Variants in CUEDC1 observed in about 807,000 individuals in gnomAD.
CUEDC1 encodes the protein CUE domain containing 1, also known as CUE domain-containing protein 1.
In CUEDC1, 30 loss-of-function variants were observed where a neutral mutation model predicts 43.7. That is an observed-to-expected ratio of 0.69 (90% CI 0.51 to 0.93). The LOEUF (loss-of-function observed/expected upper bound fraction) is 0.93, where lower values mean the gene tolerates loss of function less well. CUEDC1 is among the 40% of genes least tolerant of loss of function. CUEDC1 has a pLI of 0.00. For synonymous variants in CUEDC1, 223 were observed against 223.6 expected (o/e 1.00, Z 0.02); for missense variants, 486 against 549.0 (o/e 0.89, Z 1.15).
At chr17:57,879,504 T>TG (rs371853412) in intron 3 of CUEDC1, 107 bp downstream of exon 3, 33 of 1,269,648 alleles carry the variant, frequency 2.6e-5, no homozygotes, top group Non-Finnish European at 3.3e-5. Flanking sequence ...GCCTGTTCTT[T>TG]GAAATATACT....
intron 1 of CUEDC1, among the ~76,000 whole-genome samples, chr17:57,939,422 G>A (rs975522883): frequency 2.8e-5 from 4 of 145,172 alleles, no homozygotes; most frequent in Admixed American, 7.0e-5. Context: ...ACATCACCAC[G>A]CCCAGCTAAT....
rs1484419119 is a variant in CUEDC1 at position 57,872,736 on chromosome 17, C to T, written c.711G>A (p.Ala237=). Residue 237 remains alanine, a synonymous_variant, in exon 5 of 11, where the codon GCG becomes GCA. Transcript: ENST00000577830. ...TGAACTCCTCGTTCTGCAGGAAAAG[C>T]GCGATCCTCTCGTCCTCCAGGTACT... ...WKQYLEDERI[A]LFLQNEEFMK... 14 of 1,614,200 alleles carry T rather than the reference C, an allele frequency of 8.7e-6. No homozygotes were observed. The highest frequency in any genetic ancestry group is 1.7e-4 in the Middle Eastern group (1 of 6,060).
rs1254841347 is a variant in CUEDC1, at chr17:57,861,875, G to A, written c.*1414C>T. The stretch of plus-strand genomic sequence containing the variant: ...GGAGGGGGCGACCGCTCCTCGGCAG[G>A]GCCCCCCGAGCCAGCGTCCCGGCCC... On this transcript the variant is annotated 3_prime_UTR_variant, in exon 11 of 11. Transcript: ENST00000577830. 4 of 151,944 alleles carry A rather than the reference G, an allele frequency of 2.6e-5. No individual in the cohort carries two copies. In the East Asian group the frequency reaches 7.8e-4, roughly 30 times the overall value. The allele number at this position is 151,944 out of a possible 1,614,324, so 9.4% of individuals were successfully genotyped here. A position where few individuals can be genotyped will look rare whatever the true frequency, so the allele number is the denominator to read the frequency against.
intron 1 of CUEDC1, among the ~76,000 whole-genome samples, chr17:57,927,036 C>T (rs1245727912): frequency 1.3e-5 from 2 of 152,108 alleles, no homozygotes; most frequent in African/African-American, 2.4e-5. Flanking sequence ...GGAAACAGGC[C>T]GGCAATTGTT....
At chr17:57,868,679 C>G (rs73992331) in intron 7 of CUEDC1, among the ~76,000 whole-genome samples, 3,351 of 152,242 alleles carry the variant, frequency 0.022, 112 homozygotes, top group African/African-American at 0.075. Flanking sequence ...GGATCGCAGC[C>G]TCATTCACAC....
At chr17:57,887,995 G>C (rs1347479706) in intron 1 of CUEDC1, among the ~76,000 whole-genome samples, 1 of 147,704 alleles carries the variant, frequency 6.8e-6, no homozygotes, top group Non-Finnish European at 1.5e-5. Flanking sequence ...CCACCTTCCA[G>C]GTTCAAGCAA....
In CUEDC1 at chr17:57,947,084, T is replaced by C. The variant is rs571804088; in HGVS notation, c.-316+8141A>G. ...AATCATTTCAGGAGCCTGATCACCCTACATGACCACAGAGAGGCTTCCCCT... is the reference window on the plus strand; with the variant it reads ...AATCATTTCAGGAGCCTGATCACCCCACATGACCACAGAGAGGCTTCCCCT... On this transcript the variant is annotated intron_variant, in intron 1 of 10. Transcript: ENST00000577830. Among the ~76,000 whole-genome samples, 43 of 148,900 alleles carry C rather than the reference T, an allele frequency of 2.9e-4. No homozygotes were observed. In the South Asian group the frequency reaches 3.4e-3, roughly 12 times the overall value.
At chr17:57,881,579 C>T (rs2074204921) in intron 2 of CUEDC1, among the ~76,000 whole-genome samples, 1 of 152,208 alleles carries the variant, frequency 6.6e-6, no homozygotes, top group Non-Finnish European at 1.5e-5. Context: ...GGGCTGCAGC[C>T]TTGAGGCCAG....
At chr17:57,879,810 C>G in intron 2 of CUEDC1, 72 bp from the exon 3 acceptor site, 1 of 1,482,912 alleles carries the variant, frequency 6.7e-7, no homozygotes, top group Non-Finnish European at 9.2e-7. Flanking sequence ...CAGACAAAAT[C>G]AAGTGTGGGA....
intron 4 of CUEDC1, 105 bp from the exon 5 acceptor site, chr17:57,872,960 G>A: frequency 9.3e-7 from 1 of 1,077,870 alleles, no homozygotes. Context: ...ACATCCTCCA[G>A]CCCTCACCTG....
intron 10 of CUEDC1, among the ~76,000 whole-genome samples, chr17:57,865,424 G>A (rs2073943085): frequency 6.6e-6 from 1 of 152,132 alleles, no homozygotes; most frequent in South Asian, 2.1e-4. Flanking sequence ...ACTATCCTGA[G>A]GCAAGTGAGT....
intron 1 of CUEDC1, among the ~76,000 whole-genome samples, chr17:57,942,151 C>T (rs577229331): frequency 7.9e-5 from 12 of 152,192 alleles, no homozygotes; most frequent in African/African-American, 2.6e-4. Context: ...GATGTGCTCC[C>T]GGCCTCCCGG....
At chr17:57,916,603 G>A (rs966642613) in intron 1 of CUEDC1, among the ~76,000 whole-genome samples, 1 of 152,210 alleles carries the variant, frequency 6.6e-6, no homozygotes, top group Admixed American at 6.5e-5. Context: ...GCCCTGACAG[G>A]AAGACAGCGG....
rs2074280155 is a variant in CUEDC1, at chr17:57,885,618, C to A, written c.-54G>T. 7.5e-7 allele frequency: 1 copy of A among 1,339,470 alleles called. No homozygotes were observed. The highest frequency in any genetic ancestry group is 1.9e-5 in the South Asian group (1 of 52,580). 83.0% of individuals were successfully genotyped at this position (1,339,470 alleles called of 1,614,324 possible). A position where few individuals can be genotyped will look rare whatever the true frequency, so the allele number is the denominator to read the frequency against. ...CTAGCCGGCCGCAAAGCCCCTTCCC[C>A]AGGGTCTTTCCGCCGTCAGCCGCTT... On this transcript the variant is annotated 5_prime_UTR_variant, in exon 2 of 11. Transcript: ENST00000577830.
intron 2 of CUEDC1, among the ~76,000 whole-genome samples, chr17:57,883,628 C>T (rs1187453264): frequency 2.6e-5 from 4 of 152,090 alleles, no homozygotes; most frequent in African/African-American, 9.7e-5. Flanking sequence ...GAGGCTGAGG[C>T]AGGAGAATCG....
intron 1 of CUEDC1, among the ~76,000 whole-genome samples, chr17:57,908,660 T>C (rs1196631408): frequency 1.3e-5 from 2 of 152,190 alleles, no homozygotes; most frequent in Non-Finnish European, 2.9e-5. Flanking sequence ...TGTGTGTGCA[T>C]TTGTGTGTGT....
At chr17:57,937,965 C>T (rs1306416004) in intron 1 of CUEDC1, among the ~76,000 whole-genome samples, 1 of 151,898 alleles carries the variant, frequency 6.6e-6, no homozygotes, top group African/African-American at 2.4e-5. Flanking sequence ...GCATGAGAAG[C>T]CAAAAAATAA....
chr17:57,934,290 G>A (rs2143172147), intron 1 of CUEDC1, among the ~76,000 whole-genome samples: 1 of 152,228 alleles, frequency 6.6e-6, no homozygotes, highest in Admixed American at 6.5e-5. Context: ...TACTCGGGAG[G>A]CTGAGGCAGG....
chr17:57,926,433 C>G (rs2074748015), intron 1 of CUEDC1, among the ~76,000 whole-genome samples: 2 of 152,034 alleles, frequency 1.3e-5, no homozygotes, highest in South Asian at 4.2e-4. Flanking sequence ...TGATTCCCAT[C>G]CTAGATACTA....
Sources: allele counts gnomAD v4.1 joint callset (sites outside exome capture counted in the v4.1 genomes callset), GRCh38; gene constraint gnomAD v4.1.1; transcripts MANE v1.5; gene names NCBI Gene and HGNC (gene_info 2026-07-23, HGNC 2026-07-21).